NGEF: variants seen among roughly 807,000 people sequenced by gnomAD.
The protein encoded by NGEF is ephexin-1.
In NGEF, 31 loss-of-function variants were observed where a neutral mutation model predicts 80.9. That is an observed-to-expected ratio of 0.38 (90% CI 0.29 to 0.52). NGEF has a LOEUF of 0.52. NGEF is among the 20% of genes least tolerant of loss of function. The probability of loss-of-function intolerance (pLI) is 0.84; values close to 1 mark genes in which losing one functional copy is unlikely to be tolerated. For missense variants in NGEF, 709 were observed against 926.2 expected (o/e 0.77, Z 3.04); for synonymous variants, 371 against 370.2 (o/e 1.00, Z -0.03).
chr2:232,879,435 C>CCCCT lies in NGEF; in HGVS notation c.*53_*54insAGGG. ...GCTTCCCAGAGCCCCCCCCCCCCCA[C>CCCCT]CTTCTGTCGGGGTCTCATGCAGGCC... On this transcript the variant is annotated 3_prime_UTR_variant, in exon 15 of 15. Transcript: ENST00000264051. 6.9e-7 allele frequency: 1 copy of CCCCT among 1,443,848 alleles called. No homozygotes were observed. Among genetic ancestry groups the CCCCT allele is most frequent in the Non-Finnish European group, 9.4e-7 (1 of 1,060,334 alleles). 89.4% of individuals were successfully genotyped at this position (1,443,848 alleles called of 1,614,324 possible).
chr2:232,955,861 C>T (rs1372056056), intron 3 of NGEF, among the ~76,000 whole-genome samples: 1 of 152,136 alleles, frequency 6.6e-6, no homozygotes, highest in Non-Finnish European at 1.5e-5. Context: ...AGATTTCAGA[C>T]CAATATATTT....
intron 3 of NGEF, among the ~76,000 whole-genome samples, chr2:232,943,382 C>T (rs1422759240): frequency 1.3e-5 from 2 of 152,094 alleles, no homozygotes; most frequent in African/African-American, 4.8e-5. Context: ...AATTTCTTCT[C>T]GTTGAAAACT....
chr2:232,926,303 C>A (rs895434), intron 4 of NGEF, among the ~76,000 whole-genome samples: 3 of 151,818 alleles, frequency 2.0e-5, no homozygotes, highest in Admixed American at 6.6e-5. Flanking sequence ...GGTGCCTCTC[C>A]TGACGACATG....
At chr2:232,979,984 T>C (rs1187707722) in intron 1 of NGEF, among the ~76,000 whole-genome samples, 3 of 152,242 alleles carry the variant, frequency 2.0e-5, no homozygotes, top group Admixed American at 2.0e-4. Flanking sequence ...AGAGCTGTGA[T>C]AATCTGGCCA....
intron 1 of NGEF, among the ~76,000 whole-genome samples, chr2:232,993,145 A>ATT (rs1694690085): frequency 7.9e-6 from 1 of 127,252 alleles, no homozygotes; most frequent in Admixed American, 8.9e-5. Context: ...ATTTATATAT[A>ATT]TATGGGCAAA....
chr2:233,008,236 T>C (rs1695127327), intron 1 of NGEF, among the ~76,000 whole-genome samples: 1 of 152,216 alleles, frequency 6.6e-6, no homozygotes, highest in South Asian at 2.1e-4. Flanking sequence ...GTTTTCTTGA[T>C]CTGCTTATGT....
chr2:233,000,562 C>T (rs1462019699), intron 1 of NGEF, among the ~76,000 whole-genome samples: 1 of 152,030 alleles, frequency 6.6e-6, no homozygotes, highest in African/African-American at 2.4e-5. Flanking sequence ...TTGAGACCAT[C>T]CTGGCTAACA....
At chr2:232,985,287 A>C (rs1559235524) in intron 1 of NGEF, among the ~76,000 whole-genome samples, 1 of 152,176 alleles carries the variant, frequency 6.6e-6, no homozygotes, top group Non-Finnish European at 1.5e-5. Flanking sequence ...ATACCACAGG[A>C]AGATGCTACC....
chr2:232,912,172 G>GT (rs889699846), intron 5 of NGEF, among the ~76,000 whole-genome samples: 14 of 152,212 alleles, frequency 9.2e-5, no homozygotes, highest in Admixed American at 7.2e-4. Flanking sequence ...AGGTCCAGGA[G>GT]TTTCCCTTGT....
intron 3 of NGEF, among the ~76,000 whole-genome samples, chr2:232,931,146 C>A (rs891453903): frequency 6.6e-6 from 1 of 152,148 alleles, no homozygotes; most frequent in African/African-American, 2.4e-5. Context: ...GGTGACAGGT[C>A]CCAAGTAAGT....
chr2:232,888,044 C>T lies in NGEF; in HGVS notation c.1336G>A (p.Glu446Lys). 1 of 1,613,908 alleles carries T rather than the reference C, an allele frequency of 6.2e-7. No individual in the cohort carries two copies. Among genetic ancestry groups the T allele is most frequent in the Non-Finnish European group, 8.5e-7 (1 of 1,179,784 alleles). ...RECTALDAHK[E>K]LEMVVKACNE... ...GAGGTGAGACTCACCATTTCCAGCT[C>T]CTTGTGAGCATCCAAAGCAGTGCAC... Residue 446 changes from glutamate (E) to lysine (K), a missense_variant, in exon 9 of 15, where the codon GAG becomes AAG. Coordinates refer to ENST00000264051, the MANE Select transcript of NGEF (RefSeq NM_019850.3).
At chr2:232,893,076 G>A in intron 6 of NGEF, 26 bp from the exon 7 acceptor site, 1 of 1,603,808 alleles carries the variant, frequency 6.2e-7, no homozygotes, top group Non-Finnish European at 8.5e-7. Context: ...GCTTGAGGCG[G>A]AGGGTGCCCG....
intron 5 of NGEF, among the ~76,000 whole-genome samples, chr2:232,895,794 A>C (rs1304788883): frequency 2.0e-5 from 3 of 152,218 alleles, no homozygotes. Context: ...TGATTTTATA[A>C]TGGAACCAAT....
At chr2:232,948,795 G>C (rs1414698779) in intron 3 of NGEF, among the ~76,000 whole-genome samples, 1 of 152,058 alleles carries the variant, frequency 6.6e-6, no homozygotes, top group Non-Finnish European at 1.5e-5. Flanking sequence ...GGGCAGGCGG[G>C]TCACTTGAGG....
chr2:232,978,282 G>C (rs56300417), intron 1 of NGEF, among the ~76,000 whole-genome samples: 1 of 151,686 alleles, frequency 6.6e-6, no homozygotes, highest in African/African-American at 2.4e-5. Context: ...CACAGGCTGA[G>C]GGGGGGGATC....
intron 1 of NGEF, among the ~76,000 whole-genome samples, chr2:233,008,017 C>T (rs984964505): frequency 6.6e-6 from 1 of 152,232 alleles, no homozygotes; most frequent in Admixed American, 6.5e-5. Context: ...ATGTTTTTCT[C>T]ACTCAGATGA....
At chr2:232,883,704 C>T (rs1008168882) in intron 11 of NGEF, among the ~76,000 whole-genome samples, 7 of 152,330 alleles carry the variant, frequency 4.6e-5, no homozygotes, top group East Asian at 3.9e-4. Context: ...CCGTGGCCTC[C>T]CTGCTGAGCA....
At chr2:232,909,833 G>A (rs1692655628) in intron 5 of NGEF, among the ~76,000 whole-genome samples, 1 of 152,082 alleles carries the variant, frequency 6.6e-6, no homozygotes, top group Admixed American at 6.5e-5. Context: ...CCACTAGTGT[G>A]GTCTCTTTCA....
At chr2:232,891,240 T>G in intron 8 of NGEF, 118 bp downstream of exon 8, 1 of 1,331,706 alleles carries the variant, frequency 7.5e-7, no homozygotes, top group East Asian at 2.4e-5. Flanking sequence ...TTGGCACACA[T>G]GGGAGGAGCT....
Sources: gnomAD v4.1 joint callset for allele counts (sites outside exome capture counted in the v4.1 genomes callset) on GRCh38, gnomAD v4.1.1 for gene constraint, MANE v1.5 for transcripts, NCBI Gene and HGNC (gene_info 2026-07-23, HGNC 2026-07-21) for gene names.